Variants in CLCA2 observed in about 807,000 individuals in gnomAD.
CLCA2 encodes the protein calcium-activated chloride channel regulator 2.
Under a neutral mutation model 82.9 loss-of-function variants are expected in CLCA2, and 85 were observed. That is an observed-to-expected ratio of 1.03 (90% CI 0.86 to 1.23). The LOEUF is 1.23. Among genes scored for constraint, CLCA2 ranks in the 50% most tolerant of loss-of-function variants. CLCA2 has a pLI of 0.00. For missense variants in CLCA2, 1,089 were observed against 1,124.8 expected (o/e 0.97, Z 0.45); for synonymous variants, 421 against 391.7 (o/e 1.07, Z -0.88).
chr1:86,430,838 A>G (rs2101692315), intron 3 of CLCA2, 24 bp from the exon 4 acceptor site: 1 of 1,594,258 alleles, frequency 6.3e-7, no homozygotes, highest in Middle Eastern at 1.7e-4. Flanking sequence ...AGAAGCTCAA[A>G]AGCAAAAGTT....
intron 5 of CLCA2, among the ~76,000 whole-genome samples, chr1:86,432,838 A>T (rs1206778525): frequency 6.6e-6 from 1 of 152,210 alleles, no homozygotes; most frequent in Non-Finnish European, 1.5e-5. Flanking sequence ...GGTTAATGAG[A>T]GTGATATAAC....
chr1:86,428,693 G>C, intron 3 of CLCA2, 125 bp downstream of exon 3: 1 of 1,033,608 alleles, frequency 9.7e-7, no homozygotes, highest in South Asian at 1.7e-5. Flanking sequence ...CAAAGGGGGA[G>C]ATAGGTCATA....
chr1:86,429,446 T>C (rs1173071164), intron 3 of CLCA2, among the ~76,000 whole-genome samples: 1 of 152,096 alleles, frequency 6.6e-6, no homozygotes, highest in East Asian at 1.9e-4. Context: ...TTGTCAGACA[T>C]GGAAAAAACC....
chr1:86,449,799 G>C (rs1318213389), intron 11 of CLCA2, among the ~76,000 whole-genome samples: 1 of 152,118 alleles, frequency 6.6e-6, no homozygotes, highest in Non-Finnish European at 1.5e-5. Context: ...ATCTATACTT[G>C]GGCTAAGCTG....
Position 86,443,869 on chromosome 1 carries a change from C to G in CLCA2, c.1571C>G (p.Thr524Ser), listed in dbSNP as rs1414322969. The change falls in exon 10 of 14, where the codon ACT (threonine) becomes AGT (serine). Residue 524 changes from threonine (T) to serine (S), a missense_variant. By Grantham distance (58) the Thr-to-Ser change is moderately conservative (BLOSUM62 1). Coordinates refer to ENST00000370565, the MANE Select transcript of CLCA2 (RefSeq NM_006536.7). ...VTVDNTVGND[T>S]MFLVTWQASG... ...GTGGATAATACTGTGGGCAACGACACTATGTTTCTAGTTACGTGGCAGGCC... is the reference window on the plus strand; with the variant it reads ...GTGGATAATACTGTGGGCAACGACAGTATGTTTCTAGTTACGTGGCAGGCC... 1.9e-6 allele frequency: 3 copies of G among 1,614,046 alleles called. No homozygotes were observed. The highest frequency in any genetic ancestry group is 2.2e-5 in the South Asian group (2 of 91,086).
At position 86,450,733 on chromosome 1, in the gene CLCA2, G is replaced by T; in HGVS notation, c.2155G>T (p.Gly719Cys). ...AMYVPGYTAN[G>C]NIQMNAPRKS... ...GTATGTACCAGGTTACACAGCAAACGGTAAGAACCATTAGCACTGTTATTT... is the reference window on the plus strand; with the variant it reads ...GTATGTACCAGGTTACACAGCAAACTGTAAGAACCATTAGCACTGTTATTT... The change falls in exon 12 of 14, where the codon GGT (glycine) becomes TGT (cysteine). Residue 719 changes from glycine to cysteine, a missense_variant and splice_region_variant. Gly to Cys is a radical substitution (Grantham distance 159). Coordinates refer to ENST00000370565, the MANE Select transcript of CLCA2 (RefSeq NM_006536.7). 1 of 1,596,530 alleles carries T rather than the reference G, an allele frequency of 6.3e-7. No individual in the cohort carries two copies. The highest frequency in any genetic ancestry group is 1.1e-5 in the South Asian group (1 of 87,034).
chr1:86,429,156 T>G (rs1662445319), intron 3 of CLCA2, among the ~76,000 whole-genome samples: 1 of 152,042 alleles, frequency 6.6e-6, no homozygotes, highest in African/African-American at 2.4e-5. Context: ...AAACTGGATA[T>G]CAGGAGAATA....
rs544260843 is a variant in CLCA2 at position 86,424,197 on chromosome 1, A to G, written c.-51A>G. The stretch of plus-strand genomic sequence containing the variant: ...TCTGCATCCATATTGAAAACCTGAC[A>G]CAATGTATGCAGCAGGCTCAGTGTG... On this transcript the variant is annotated 5_prime_UTR_variant, in exon 1 of 14. Coordinates refer to ENST00000370565, the MANE Select transcript of CLCA2 (RefSeq NM_006536.7). 43 of 1,531,958 alleles carry G rather than the reference A, an allele frequency of 2.8e-5. No individual in the cohort carries two copies. In the African/African-American group the frequency reaches 5.3e-4, roughly 19 times the overall value. The allele number at this position is 1,531,958 out of a possible 1,614,324, so 94.9% of individuals were successfully genotyped here.
intron 11 of CLCA2, chr1:86,448,318 A>G (rs1570266603): frequency 6.5e-6 from 1 of 154,260 alleles, no homozygotes; most frequent in South Asian, 2.0e-4. Flanking sequence ...CAGTTCTAGC[A>G]CAGCCAATGC....
At position 86,432,367 on chromosome 1, in the gene CLCA2, A is replaced by G; in HGVS notation, c.585-2A>G. On this transcript the variant is annotated splice_acceptor_variant, in intron 4 of 13. Transcript: ENST00000370565. LOFTEE classifies it high-confidence loss of function. ...ATTCCCAGTTTCTCTTTCCATTTTT[A>G]GGTGTTCATCTGACATCACAGGCAT... 6.2e-7 allele frequency: 1 copy of G among 1,612,140 alleles called. No homozygotes were observed. Among genetic ancestry groups the G allele is most frequent in the Admixed American group, 1.7e-5 (1 of 59,212 alleles).
In CLCA2 at chr1:86,447,559, C is replaced by T. The variant is rs1662877355; in HGVS notation, c.1765C>T (p.Leu589=). The change falls in exon 11 of 14, where the codon CTG becomes TTG. Residue 589 remains leucine (L), a synonymous_variant. Coordinates refer to ENST00000370565, the MANE Select transcript of CLCA2 (RefSeq NM_006536.7). ...CAATACCCATCATTCTCTGCAAGCC[C>T]TGAAAGTGACAGTGACCTCTCGCGC... ...LNNTHHSLQA[L]KVTVTSRASN... is the part of the protein sequence containing the mutation. 1.2e-6 allele frequency: 2 copies of T among 1,614,008 alleles called. No homozygotes were observed. The highest frequency in any genetic ancestry group is 1.7e-6 in the Non-Finnish European group (2 of 1,180,026).
At chr1:86,449,263 C>T (rs961178661) in intron 11 of CLCA2, among the ~76,000 whole-genome samples, 1 of 152,186 alleles carries the variant, frequency 6.6e-6, no homozygotes, top group African/African-American at 2.4e-5. Flanking sequence ...AACAACCCTG[C>T]AAGATAAGTT....
At chr1:86,453,751 G>A in intron 13 of CLCA2, 149 bp downstream of exon 13, 1 of 727,674 alleles carries the variant, frequency 1.4e-6, no homozygotes, top group Middle Eastern at 3.8e-4. Flanking sequence ...AGTCCCAGAA[G>A]GACAGTGTGT....
intron 5 of CLCA2, 27 bp downstream of exon 5, chr1:86,432,555 T>A: frequency 6.2e-7 from 1 of 1,600,694 alleles, no homozygotes; most frequent in South Asian, 1.1e-5. Context: ...AATGACACAC[T>A]CTTGCAGGAT....
At chr1:86,442,573 C>A (rs945404835) in intron 9 of CLCA2, among the ~76,000 whole-genome samples, 6 of 152,160 alleles carry the variant, frequency 3.9e-5, no homozygotes, top group African/African-American at 1.2e-4. Context: ...TGTGGCCCAG[C>A]CATCAGCAAT....
intron 3 of CLCA2, among the ~76,000 whole-genome samples, chr1:86,429,279 G>A (rs931223319): frequency 6.6e-6 from 1 of 152,126 alleles, no homozygotes; most frequent in Admixed American, 6.6e-5. Flanking sequence ...GCCGCTCTGT[G>A]GTTTCCTTTT....
At chr1:86,449,033 AC>A in intron 11 of CLCA2, among the ~76,000 whole-genome samples, 1 of 152,372 alleles carries the variant, frequency 6.6e-6, no homozygotes, top group South Asian at 2.1e-4. Flanking sequence ...AAATGTATGC[AC>A]TAAAAAAAGG....
chr1:86,427,970 T>C (rs1157634840), intron 2 of CLCA2, among the ~76,000 whole-genome samples: 1 of 152,192 alleles, frequency 6.6e-6, no homozygotes, highest in Non-Finnish European at 1.5e-5. Flanking sequence ...CAGAAAGTTG[T>C]TCACAAAAGG....
chr1:86,429,621 A>T (rs956849064), intron 3 of CLCA2, among the ~76,000 whole-genome samples: 2 of 152,174 alleles, frequency 1.3e-5, no homozygotes, highest in East Asian at 1.9e-4. Flanking sequence ...AGTGAGTGAG[A>T]TCTGAGGGAG....
Sources: gnomAD v4.1 joint callset for allele counts (sites outside exome capture counted in the v4.1 genomes callset) on GRCh38, gnomAD v4.1.1 for gene constraint, MANE v1.5 for transcripts, NCBI Gene and HGNC (gene_info 2026-07-23, HGNC 2026-07-21) for gene names.